Variants in PSD3 observed in about 807,000 individuals in gnomAD.
PSD3 encodes the protein pleckstrin and Sec7 domain containing 3, also known as PH and SEC7 domain-containing protein 3.
A neutral mutation model predicts 105.5 loss-of-function variants in PSD3; 49 were observed. The ratio of observed to expected loss-of-function variants is 0.46; its 90% confidence interval spans 0.37 to 0.59. The LOEUF (loss-of-function observed/expected upper bound fraction) is 0.59. Among genes scored for constraint, PSD3 ranks in the 20% least tolerant of loss-of-function variants. The pLI is 0.00. For synonymous variants in PSD3, 557 were observed against 457.8 expected, an observed-to-expected ratio of 1.22 and a Z score of -2.77; for missense variants, 1,561 against 1,263.8, an observed-to-expected ratio of 1.24 and a Z score of -3.57.
At chr8:18,917,923 G>A (rs1563418960) in intron 2 of PSD3, among the ~76,000 whole-genome samples, 1 of 152,118 alleles carries the variant, frequency 6.6e-6, no homozygotes, top group East Asian at 1.9e-4. Context: ...GTGGGCAGGT[G>A]GGCGTGTGTG....
intron 8 of PSD3, among the ~76,000 whole-genome samples, chr8:18,794,950 T>A (rs57290482): frequency 6.9e-6 from 1 of 145,200 alleles, no homozygotes; most frequent in Admixed American, 6.9e-5. Context: ...ATTTTTATAA[T>A]AGTCATTTTC....
chr8:18,637,329 T>TA (rs1461989524), intron 10 of PSD3, among the ~76,000 whole-genome samples: 1 of 152,216 alleles, frequency 6.6e-6, no homozygotes, highest in African/African-American at 2.4e-5. Flanking sequence ...CTGATTTTCT[T>TA]AAAAAATAAG....
Position 18,632,718 on chromosome 8 carries a change from T to A in PSD3, c.2305A>T (p.Ser769Cys). ...THPKTISRIGSTTNPFLDIPH... is the reference protein window; with the variant it reads ...THPKTISRIGCTTNPFLDIPH... ...ATGTCCAAAAATGGGTTAGTAGTAC[T>A]TCCAATACGACTGATGGTCTTTGGA... is the stretch of plus-strand genomic sequence containing the variant. The change falls in exon 11 of 16, where the codon AGT becomes TGT. Residue 769 changes from serine (S) to cysteine (C), a missense_variant. Physicochemically the swap from Ser to Cys is moderately radical, Grantham distance 112. Coordinates refer to ENST00000327040, the MANE Select transcript of PSD3 (RefSeq NM_015310.4). 1 of 1,609,672 alleles carries A rather than the reference T, an allele frequency of 6.2e-7. No homozygotes were observed. The highest frequency in any genetic ancestry group is 2.2e-5 in the East Asian group (1 of 44,822).
intron 1 of PSD3, among the ~76,000 whole-genome samples, chr8:19,061,383 G>A (rs867526435): frequency 3.3e-5 from 5 of 152,152 alleles, no homozygotes; most frequent in South Asian, 2.1e-4. Context: ...AACAAAACAC[G>A]CTATTATTAA....
At chr8:18,858,254 G>A (rs534292079) in intron 4 of PSD3, among the ~76,000 whole-genome samples, 2 of 152,136 alleles carry the variant, frequency 1.3e-5, no homozygotes, top group African/African-American at 2.4e-5. Flanking sequence ...AGTGTGCAAC[G>A]GTATTTTGTC....
chr8:18,578,945 G>T (rs1002681126), intron 12 of PSD3, among the ~76,000 whole-genome samples: 1 of 152,016 alleles, frequency 6.6e-6, no homozygotes, highest in African/African-American at 2.4e-5. Flanking sequence ...TTTAATTAGG[G>T]CTAAACTGAA....
intron 1 of PSD3, among the ~76,000 whole-genome samples, chr8:19,074,068 G>T (rs1829366609): frequency 6.6e-6 from 1 of 152,088 alleles, no homozygotes; most frequent in South Asian, 2.1e-4. Context: ...GAGATTACAG[G>T]CCCGAGCCAC....
intron 2 of PSD3, among the ~76,000 whole-genome samples, chr8:18,875,035 C>G (rs577025497): frequency 1.3e-5 from 2 of 152,156 alleles, no homozygotes; most frequent in Non-Finnish European, 2.9e-5. Flanking sequence ...CTCACTCCAG[C>G]CTCTCGGGTA....
intron 1 of PSD3, among the ~76,000 whole-genome samples, chr8:19,043,804 T>A (rs550448432): frequency 6.6e-6 from 1 of 152,320 alleles, no homozygotes; most frequent in African/African-American, 2.4e-5. Flanking sequence ...GTCTTGGACT[T>A]CCCAGCCTCC....
At chr8:18,949,599 T>A (rs1163407629) in intron 1 of PSD3, among the ~76,000 whole-genome samples, 1 of 152,022 alleles carries the variant, frequency 6.6e-6, no homozygotes, top group Non-Finnish European at 1.5e-5. Context: ...AAATCTGAAG[T>A]CAGGTCACTC....
intron 1 of PSD3, among the ~76,000 whole-genome samples, chr8:19,077,241 T>G (rs1829487544): frequency 6.6e-6 from 1 of 152,202 alleles, no homozygotes; most frequent in Non-Finnish European, 1.5e-5. Flanking sequence ...AAATGAGATT[T>G]TCCAATGATA....
rs182997299 is a variant in PSD3, at chr8:18,588,472, C to T, written c.2481+11892G>A. Among the ~76,000 whole-genome samples, 617 of 152,308 alleles carry T rather than the reference C, an allele frequency of 4.1e-3. 4 individuals are homozygous for T. The highest frequency in any genetic ancestry group is 0.014 in the African/African-American group (578 of 41,574). ...ATGGCCACCCTTTTGCAGGCTTATT[C>T]TCATTGTAAGTAGATAGTTTACAGC... On this transcript the variant is annotated intron_variant, in intron 12 of 15. Coordinates refer to ENST00000327040, the MANE Select transcript of PSD3 (RefSeq NM_015310.4).
chr8:18,997,559 T>G lies in PSD3; in HGVS notation c.21+16004A>C, dbSNP rs1355810700. Among the ~76,000 whole-genome samples the G allele has an allele frequency of 3.3e-5, 5 of 151,920 alleles. No individual in the cohort carries two copies. In the East Asian group the frequency reaches 9.6e-4, roughly 29 times the overall value. On this transcript the variant is annotated intron_variant, in intron 1 of 15. Coordinates refer to ENST00000327040, the MANE Select transcript of PSD3 (RefSeq NM_015310.4). ...ACATCAGCCAGATCATGTCCCATCT[T>G]TATTTGAAACTCTCTAACAGGCTTC... is the stretch of plus-strand genomic sequence containing the variant.
chr8:18,830,941 C>A (rs1031246724), intron 4 of PSD3, among the ~76,000 whole-genome samples: 1 of 152,200 alleles, frequency 6.6e-6, no homozygotes, highest in African/African-American at 2.4e-5. Context: ...TGAAACCATT[C>A]ATTCTAGGAG....
intron 9 of PSD3, among the ~76,000 whole-genome samples, chr8:18,700,368 G>A (rs1347314785): frequency 6.6e-6 from 1 of 152,086 alleles, no homozygotes; most frequent in Non-Finnish European, 1.5e-5. Context: ...TACATTATTA[G>A]TAATAGGAAA....
chr8:18,671,375 C>A (rs1175663329), intron 9 of PSD3, among the ~76,000 whole-genome samples: 1 of 152,144 alleles, frequency 6.6e-6, no homozygotes, highest in African/African-American at 2.4e-5. Flanking sequence ...ATGAGACACA[C>A]TAAAAATTGT....
intron 9 of PSD3, among the ~76,000 whole-genome samples, chr8:18,706,501 T>A (rs1246571640): frequency 6.6e-6 from 1 of 152,172 alleles, no homozygotes; most frequent in Admixed American, 6.5e-5. Context: ...AAAGAAATAA[T>A]CATTGTTCAC....
intron 9 of PSD3, among the ~76,000 whole-genome samples, chr8:18,662,613 C>T (rs1185223976): frequency 6.6e-6 from 1 of 152,194 alleles, no homozygotes; most frequent in Non-Finnish European, 1.5e-5. Context: ...ACCTGGCCCT[C>T]ATTTTCTTTA....
At chr8:18,987,674 G>C (rs1005500322) in intron 1 of PSD3, among the ~76,000 whole-genome samples, 18 of 152,104 alleles carry the variant, frequency 1.2e-4, no homozygotes, top group African/African-American at 3.6e-4. Context: ...TTAAAAGTCA[G>C]CCAGGTGTGG....
Sources: allele counts gnomAD v4.1 joint callset (sites outside exome capture counted in the v4.1 genomes callset), GRCh38; gene constraint gnomAD v4.1.1; transcripts MANE v1.5; gene names NCBI Gene and HGNC (gene_info 2026-07-23, HGNC 2026-07-21).